GPR141: variants seen among roughly 807,000 people sequenced by gnomAD.
GPR141 encodes G protein-coupled receptor 141, also known as probable G protein-coupled receptor 141.
A neutral mutation model predicts 6.8 loss-of-function variants in GPR141; 6 were observed. The observed-to-expected ratio is 0.88, with a 90% CI of 0.48 to 1.74. The LOEUF (loss-of-function observed/expected upper bound fraction) is 1.74. GPR141 is among the 40% of genes most tolerant of loss of function. The probability of loss-of-function intolerance (pLI) is 0.01; values close to 1 mark genes in which losing one functional copy is unlikely to be tolerated. For missense variants in GPR141, 372 were observed against 372.9 expected (o/e 1.00, Z 0.02); for synonymous variants, 140 against 142.3 (o/e 0.98, Z 0.11).
intron 2 of GPR141, among the ~76,000 whole-genome samples, chr7:37,688,877 T>C (rs943872968): frequency 6.6e-6 from 1 of 152,144 alleles, no homozygotes; most frequent in Non-Finnish European, 1.5e-5. Flanking sequence ...ACAATTCTTT[T>C]CCCCTTTCTT....
At chr7:37,724,527 T>TTTTTGG (rs376748711) in intron 2 of GPR141, among the ~76,000 whole-genome samples, 96 of 152,306 alleles carry the variant, frequency 6.3e-4, no homozygotes, top group African/African-American at 2.3e-3. Context: ...CAGACAGATT[T>TTTTTGG]TTTTGGTTTT....
At chr7:37,714,467 A>G (rs1810955872) in intron 2 of GPR141, among the ~76,000 whole-genome samples, 1 of 152,154 alleles carries the variant, frequency 6.6e-6, no homozygotes. Context: ...ATGGCAGAGG[A>G]TAGTTACTAT....
chr7:37,702,894 A>G (rs993041389), intron 2 of GPR141, among the ~76,000 whole-genome samples: 26 of 151,256 alleles, frequency 1.7e-4, no homozygotes, highest in African/African-American at 6.0e-4. Flanking sequence ...AGTATTTTCT[A>G]GTATTTTAAA....
intron 1 of GPR141, chr7:37,685,124 C>G (rs946620336): frequency 2.0e-5 from 3 of 152,122 alleles, no homozygotes; most frequent in Non-Finnish European, 4.4e-5. Context: ...TGTATAAAAA[C>G]AAGAAGTGAG....
intron 2 of GPR141, among the ~76,000 whole-genome samples, chr7:37,735,994 C>G (rs997485893): frequency 6.6e-6 from 1 of 152,134 alleles, no homozygotes; most frequent in African/African-American, 2.4e-5. Context: ...CATGATAGCT[C>G]ACACCTGTAA....
rs773770767 is a variant in GPR141, at chr7:37,740,830, T to C, written c.437T>C (p.Ile146Thr). ...SAGMWTLVIV[I>T]VVPLVVSRYG... Reference sequence around the variant, plus strand: ...GGCATGTGGACGCTGGTGATTGTCATTGTGGTACCCCTGGTTGTCTCCCGG... The same window carrying C: ...GGCATGTGGACGCTGGTGATTGTCACTGTGGTACCCCTGGTTGTCTCCCGG... Residue 146 changes from isoleucine (I) to threonine (T), a missense_variant, in exon 3 of 3, where the codon ATT (isoleucine) becomes ACT (threonine). Transcript: ENST00000334425. 1.4e-5 allele frequency: 23 copies of C among 1,614,036 alleles called. No individual in the cohort carries two copies. The highest frequency in any genetic ancestry group is 9.9e-5 in the South Asian group (9 of 91,090).
intron 2 of GPR141, among the ~76,000 whole-genome samples, chr7:37,735,834 G>A (rs949681375): frequency 2.0e-5 from 3 of 152,170 alleles, no homozygotes. Flanking sequence ...TGAAATAGAT[G>A]AGAAAATTTC....
chr7:37,707,054 C>A (rs1810557536), intron 2 of GPR141, among the ~76,000 whole-genome samples: 1 of 152,086 alleles, frequency 6.6e-6, no homozygotes, highest in Non-Finnish European at 1.5e-5. Flanking sequence ...CCCTTTACCT[C>A]CTTCCTGTTA....
At chr7:37,706,032 G>A (rs1030745339) in intron 2 of GPR141, among the ~76,000 whole-genome samples, 4 of 152,122 alleles carry the variant, frequency 2.6e-5, no homozygotes, top group Non-Finnish European at 5.9e-5. Flanking sequence ...CACTAAAGAG[G>A]GCAGCTGCTT....
At chr7:37,729,760 G>T (rs1811827435) in intron 2 of GPR141, among the ~76,000 whole-genome samples, 1 of 152,168 alleles carries the variant, frequency 6.6e-6, no homozygotes, top group Admixed American at 6.5e-5. Flanking sequence ...ATTTTGGGAA[G>T]AGAAAGCGCA....
At chr7:37,724,897 A>G (rs563562692) in intron 2 of GPR141, among the ~76,000 whole-genome samples, 1 of 152,128 alleles carries the variant, frequency 6.6e-6, no homozygotes, top group South Asian at 2.1e-4. Flanking sequence ...GGGCCTCTGG[A>G]GTCTGCCTTT....
At chr7:37,733,181 G>T (rs573850864) in intron 2 of GPR141, among the ~76,000 whole-genome samples, 1 of 152,280 alleles carries the variant, frequency 6.6e-6, no homozygotes, top group East Asian at 1.9e-4. Context: ...TGCTTGGCTA[G>T]CTGAATGTTT....
intron 2 of GPR141, among the ~76,000 whole-genome samples, chr7:37,720,624 C>T (rs112082842): frequency 0.16 from 23,568 of 151,668 alleles, 1,980 homozygotes; most frequent in Non-Finnish European, 0.2. Context: ...ACCTGTACTC[C>T]CAGCTACTCA....
At chr7:37,702,784 AAAATT>A (rs906852395) in intron 2 of GPR141, among the ~76,000 whole-genome samples, 26 of 138,042 alleles carry the variant, frequency 1.9e-4, no homozygotes, top group African/African-American at 6.5e-4. Context: ...AAAAAAATAA[AAAATT>A]AAAACCCAGT....
In GPR141 at chr7:37,740,957, TG is replaced by T. The variant is rs1405106035; in HGVS notation, c.565del (p.Val189SerfsTer2). ...TCATCAACTATATGATAGTCATTTTTGTCATAGCCGTTGCTGTGATTCTGTT... is the reference window on the plus strand; with the variant it reads ...TCATCAACTATATGATAGTCATTTTTTCATAGCCGTTGCTGTGATTCTGTT... ...KIINYMIVIF[V>X]IAVAVILLVF... On this transcript the variant is annotated frameshift_variant, in exon 3 of 3. Transcript: ENST00000334425. LOFTEE classifies it low-confidence loss of function (END_TRUNC). The T allele has an allele frequency of 2.0e-5, 32 of 1,613,910 alleles. No individual in the cohort carries two copies. The highest frequency in any genetic ancestry group is 2.6e-5 in the Non-Finnish European group (31 of 1,179,900).
Position 37,706,523 on chromosome 7 carries a change from T to A in GPR141, c.-15+20940T>A, listed in dbSNP as rs2131773516. On this transcript the variant is annotated intron_variant, in intron 2 of 2. Transcript: ENST00000334425. Reference sequence around the variant, plus strand: ...TGTGAGTACCAGGAGGAAGTGGGAATATCTTCCCTGACCCCCCACCATAGT... The same window carrying A: ...TGTGAGTACCAGGAGGAAGTGGGAAAATCTTCCCTGACCCCCCACCATAGT... Among the ~76,000 whole-genome samples, 3 of 152,280 alleles carry A rather than the reference T, an allele frequency of 2.0e-5. No individual in the cohort carries two copies. In the South Asian group the frequency reaches 6.2e-4, roughly 32 times the overall value.
chr7:37,717,593 G>A (rs1421261827), intron 2 of GPR141, among the ~76,000 whole-genome samples: 1 of 151,766 alleles, frequency 6.6e-6, no homozygotes, highest in African/African-American at 2.4e-5. Flanking sequence ...CCCTTGTTGT[G>A]TACTAAATCC....
chr7:37,709,384 G>A (rs1448332385), intron 2 of GPR141, among the ~76,000 whole-genome samples: 2 of 152,172 alleles, frequency 1.3e-5, no homozygotes, highest in African/African-American at 4.8e-5. Context: ...GATTATGTGA[G>A]TGGAGCATAA....
In GPR141 at chr7:37,741,096, C is replaced by T. The variant is rs371535293; in HGVS notation, c.703C>T (p.Leu235Phe). The change falls in exon 3 of 3, where the codon CTT (leucine) becomes TTT (phenylalanine). Residue 235 changes from leucine to phenylalanine, a missense_variant. By Grantham distance (22) the Leu-to-Phe change is conservative. Coordinates refer to ENST00000334425, the MANE Select transcript of GPR141 (RefSeq NM_001381946.1). Reference protein sequence around the residue: ...LKNLFFIGVILVCFLPYQFFR... With the variant: ...LKNLFFIGVIFVCFLPYQFFR... ...AAACCTATTTTTTATAGGGGTCATCCTTGTTTGTTTCCTTCCCTACCAGTT... is the reference window on the plus strand; with the variant it reads ...AAACCTATTTTTTATAGGGGTCATCTTTGTTTGTTTCCTTCCCTACCAGTT... The T allele has an allele frequency of 6.2e-7, 1 of 1,613,846 alleles. No individual in the cohort carries two copies. The highest frequency in any genetic ancestry group is 1.1e-5 in the South Asian group (1 of 91,074).
Sources: allele counts gnomAD v4.1 joint callset (sites outside exome capture counted in the v4.1 genomes callset), GRCh38; gene constraint gnomAD v4.1.1; transcripts MANE v1.5; gene names NCBI Gene and HGNC (gene_info 2026-07-23, HGNC 2026-07-21).